Variants in SLC35H1 observed in about 807,000 individuals in gnomAD.
The protein encoded by SLC35H1 is solute carrier family 35 member H1, also known as ovarian cancer-overexpressed gene 1 protein.
At chr20:46,346,029 C>T in the SLC35H1 span, 2 of 152,180 alleles carry the variant, frequency 1.3e-5, no homozygotes, top group African/African-American at 2.4e-5. Context: ...TCTCCAGCAG[C>T]GATCACCGGC....
the SLC35H1 span, chr20:46,350,928 G>A: frequency 6.2e-7 from 1 of 1,610,872 alleles, no homozygotes; most frequent in Non-Finnish European, 8.5e-7. Context: ...TGATCAACAG[G>A]CAGATTTGGC....
At chr20:46,357,834 C>T in the SLC35H1 span, 1 of 1,587,876 alleles carries the variant, frequency 6.3e-7, no homozygotes, top group Non-Finnish European at 8.6e-7. Context: ...CCCACCGGCT[C>T]CCTCTTCCTC....
the SLC35H1 span, among the ~76,000 whole-genome samples, chr20:46,357,109 G>C: frequency 2.8e-4 from 43 of 152,152 alleles, no homozygotes; most frequent in Non-Finnish European, 5.6e-4. Flanking sequence ...CCCACAGCTG[G>C]CACTAAATCT....
the SLC35H1 span, chr20:46,350,192 C>T: frequency 2.0e-6 from 1 of 501,678 alleles, no homozygotes; most frequent in African/African-American, 1.9e-5. Flanking sequence ...TGGCCAGTCC[C>T]AGGCTGGCCT....
At chr20:46,355,468 C>T in the SLC35H1 span, 10 of 635,434 alleles carry the variant, frequency 1.6e-5, no homozygotes, top group South Asian at 5.9e-5. The surrounding 1 kb of genome is among the most constrained non-coding windows in gnomAD (Gnocchi z 4.8). Flanking sequence ...CTCTGCCACA[C>T]TGACGGCTGT....
At chr20:46,355,808 C>T in the SLC35H1 span, 3 of 1,614,050 alleles carry the variant, frequency 1.9e-6, no homozygotes, top group Non-Finnish European at 2.5e-6. The surrounding 1 kb of genome is among the most constrained non-coding windows in gnomAD (Gnocchi z 4.8). Context: ...TCACCAGCTC[C>T]TCCAGCTTGA....
chr20:46,362,085 T>C, the SLC35H1 span, among the ~76,000 whole-genome samples: 279 of 152,244 alleles, frequency 1.8e-3, no homozygotes, highest in African/African-American at 6.1e-3. Flanking sequence ...TATTTTCTTA[T>C]TGGGATTCAG....
the SLC35H1 span, chr20:46,357,809 T>C: frequency 6.2e-7 from 1 of 1,609,442 alleles, no homozygotes; most frequent in Non-Finnish European, 8.5e-7. Flanking sequence ...CCGGCTTGGT[T>C]TAGACAGCCT....
the SLC35H1 span, among the ~76,000 whole-genome samples, chr20:46,360,438 C>T: frequency 6.6e-6 from 1 of 152,234 alleles, no homozygotes; most frequent in South Asian, 2.1e-4. Flanking sequence ...GACAGCTTCA[C>T]TGCAACTTCC....
the SLC35H1 span, chr20:46,350,522 C>T: frequency 1.7e-5 from 27 of 1,597,686 alleles, no homozygotes; most frequent in Non-Finnish European, 2.3e-5. Flanking sequence ...GGGCCACCAT[C>T]ACCTTGGGAT....
chr20:46,351,936 T>G, the SLC35H1 span: 1 of 1,150,828 alleles, frequency 8.7e-7, no homozygotes, highest in Non-Finnish European at 1.2e-6. Flanking sequence ...ATGGGGCACT[T>G]CCTTCTCTTC....
the SLC35H1 span, among the ~76,000 whole-genome samples, chr20:46,351,286 G>A: frequency 1.3e-5 from 2 of 152,208 alleles, no homozygotes; most frequent in Non-Finnish European, 2.9e-5. Context: ...GACACAACTG[G>A]TCCCGGGGCT....
the SLC35H1 span, among the ~76,000 whole-genome samples, chr20:46,361,524 C>T: frequency 6.6e-6 from 1 of 152,198 alleles, no homozygotes; most frequent in African/African-American, 2.4e-5. Flanking sequence ...GATCTCAAAA[C>T]CCACACTGTT....
the SLC35H1 span, chr20:46,358,340 T>C: frequency 4.5e-6 from 7 of 1,546,444 alleles, no homozygotes; most frequent in Non-Finnish European, 6.3e-6. Context: ...GCCATGGCTC[T>C]GGCCACCTTC....
the SLC35H1 span, among the ~76,000 whole-genome samples, chr20:46,356,972 TCCTCCACG>T: frequency 8.2e-5 from 1 of 12,142 alleles, no homozygotes; most frequent in Non-Finnish European, 1.5e-3. Flanking sequence ...GAACACAAAC[TCCTCCACG>T]GGGAATCCGG....
At chr20:46,349,664 G>T in the SLC35H1 span, 1 of 152,636 alleles carries the variant, frequency 6.6e-6, no homozygotes. Flanking sequence ...TTTGCTTAGG[G>T]TCACACAGCT....
the SLC35H1 span, chr20:46,351,948 C>T: frequency 1.6e-6 from 2 of 1,264,492 alleles, no homozygotes; most frequent in East Asian, 2.5e-5. Flanking sequence ...CTTCTCTTCT[C>T]TGCAGGGCCC....
the SLC35H1 span, among the ~76,000 whole-genome samples, chr20:46,354,522 T>C: frequency 2.0e-5 from 3 of 152,188 alleles, no homozygotes; most frequent in African/African-American, 7.2e-5. Context: ...CTATGGGACC[T>C]TGGGCAAGTT....
At chr20:46,349,687 A>G in the SLC35H1 span, 5 of 152,694 alleles carry the variant, frequency 3.3e-5, no homozygotes, top group African/African-American at 9.6e-5. Flanking sequence ...TGACAAAGCC[A>G]GTATTCAAAC....
Sources: gnomAD v4.1 joint callset for allele counts (sites outside exome capture counted in the v4.1 genomes callset) on GRCh38, gnomAD v4.1.1 for gene constraint, Gnocchi (gnomAD v3.1) non-coding constraint, MANE v1.5 for transcripts, NCBI Gene and HGNC (gene_info 2026-07-23, HGNC 2026-07-21) for gene names.